The following RBFOX1 variants were observed in gnomAD, a reference collection of about 807,000 sequenced individuals.
The protein encoded by RBFOX1 is RNA binding fox-1 homolog 1.
RBFOX1 carries 8 observed loss-of-function variants against 57.7 expected under a neutral mutation model. That is an observed-to-expected ratio of 0.14 (90% CI 0.08 to 0.25). The LOEUF is 0.25. Ranked by LOEUF, RBFOX1 falls within the 10% of genes least tolerant of loss-of-function variation. RBFOX1 has a pLI of 1.00. For missense variants in RBFOX1, 611 were observed against 548.5 expected (o/e 1.11, Z -1.14); for synonymous variants, 326 against 222.4 (o/e 1.47, Z -4.15).
chr16:5,431,166 G>C (rs1483065066), intron 1 of RBFOX1, among the ~76,000 whole-genome samples: 1 of 152,220 alleles, frequency 6.6e-6, no homozygotes, highest in Non-Finnish European at 1.5e-5. Flanking sequence ...TGTTGTGTTG[G>C]TGTCCTGATG....
intron 3 of RBFOX1, among the ~76,000 whole-genome samples, chr16:7,003,317 G>C (rs2093002286): frequency 6.6e-6 from 1 of 152,028 alleles, no homozygotes; most frequent in Non-Finnish European, 1.5e-5. Flanking sequence ...AAAATTAGCT[G>C]GGCGTGATGG....
At chr16:6,988,056 C>G (rs898011006) in intron 3 of RBFOX1, among the ~76,000 whole-genome samples, 2 of 152,074 alleles carry the variant, frequency 1.3e-5, no homozygotes, top group Non-Finnish European at 2.9e-5. Context: ...ATTAGTTACC[C>G]CACATTCCAC....
chr16:6,380,888 T>A (rs2091743362), intron 2 of RBFOX1, among the ~76,000 whole-genome samples: 1 of 152,214 alleles, frequency 6.6e-6, no homozygotes, highest in South Asian at 2.1e-4. Context: ...ATTATCTTTC[T>A]GAGTTTTACC....
chr16:7,059,758 C>A lies in RBFOX1; in HGVS notation c.27+7660C>A, dbSNP rs550510033. On this transcript the variant is annotated intron_variant, in intron 4 of 15. Coordinates refer to ENST00000550418, the MANE Select transcript of RBFOX1 (RefSeq NM_018723.4). ...GTACAAATTTACCTTTCTCTTCACC[C>A]GTTGCAGTGTCTGCTTGCCAAGAGT... Among the ~76,000 whole-genome samples, 3 of 152,134 alleles carry A rather than the reference C, an allele frequency of 2.0e-5. No homozygotes were observed. The South Asian group carries it at 6.2e-4, about 31-fold the overall frequency.
intron 4 of RBFOX1, among the ~76,000 whole-genome samples, chr16:5,997,586 G>A (rs1402147826): frequency 2.0e-5 from 3 of 152,174 alleles, no homozygotes; most frequent in Non-Finnish European, 4.4e-5. Context: ...TCTCTAGAGC[G>A]ATTAGGCACT....
intron 4 of RBFOX1, among the ~76,000 whole-genome samples, chr16:7,342,222 G>A (rs1447163588): frequency 6.6e-6 from 1 of 152,106 alleles, no homozygotes; most frequent in Non-Finnish European, 1.5e-5. Context: ...CTGTAAAATG[G>A]GAGTAATACC....
chr16:6,267,436 G>A lies in RBFOX1; in HGVS notation c.-126-49559G>A, dbSNP rs566882476. 5.3e-5 allele frequency among the ~76,000 whole-genome samples: 8 copies of A among 152,154 alleles called. No homozygotes were observed. In the South Asian group the frequency reaches 1.7e-3, roughly 32 times the overall value. ...ATAGGACTTGAGGGGTGTCCCCTTG[G>A]CTTCTTATCTCTTTCTCTGTAGCCT... On this transcript the variant is annotated intron_variant, in intron 1 of 15. Transcript: ENST00000550418.
At chr16:7,398,878 C>G (rs554046972) in intron 4 of RBFOX1, among the ~76,000 whole-genome samples, 1 of 152,170 alleles carries the variant, frequency 6.6e-6, no homozygotes, top group African/African-American at 2.4e-5. Flanking sequence ...AGAGGGTTCC[C>G]TATTCATTCA....
chr16:7,257,374 G>A (rs540783906), intron 4 of RBFOX1, among the ~76,000 whole-genome samples: 1 of 152,078 alleles, frequency 6.6e-6, no homozygotes, highest in Non-Finnish European at 1.5e-5. Context: ...CATGAGACTT[G>A]CTGCCCCTCT....
rs35754742 is a variant in RBFOX1 at position 6,829,481 on chromosome 16, T to TAAAA, written c.-16+174842_-16+174845dup. Among the ~76,000 whole-genome samples the TAAAA allele has an allele frequency of 6.4e-3, 867 of 135,556 alleles. 14 individuals carry two copies. Among genetic ancestry groups the TAAAA allele is most frequent in the African/African-American group, 0.021 (799 of 37,544 alleles). The allele number at this position is 135,556 out of a possible 152,430, so 88.9% of individuals were successfully genotyped here. A position where few individuals can be genotyped will look rare whatever the true frequency, so the allele number is the denominator to read the frequency against. The stretch of plus-strand genomic sequence containing the variant: ...ATGCAATGAAATACCACTCAACCAT[T>TAAAA]AAAAAAAAAAAAAACAAAAAAACGT... On this transcript the variant is annotated intron_variant, in intron 3 of 15. Coordinates refer to ENST00000550418, the MANE Select transcript of RBFOX1 (RefSeq NM_018723.4).
chr16:7,404,433 T>C (rs2098300236), intron 4 of RBFOX1, among the ~76,000 whole-genome samples: 1 of 152,208 alleles, frequency 6.6e-6, no homozygotes, highest in Admixed American at 6.5e-5. Flanking sequence ...CATCCAGTGA[T>C]AGCTTCTTAG....
chr16:6,638,957 G>T (rs974386149), intron 2 of RBFOX1, among the ~76,000 whole-genome samples: 5 of 152,160 alleles, frequency 3.3e-5, no homozygotes, highest in African/African-American at 1.2e-4. Context: ...AGAAAATATT[G>T]CTTCCCAAGA....
At chr16:6,535,199 G>C (rs1271921928) in intron 2 of RBFOX1, among the ~76,000 whole-genome samples, 1 of 152,140 alleles carries the variant, frequency 6.6e-6, no homozygotes, top group East Asian at 1.9e-4. Context: ...CTCATGTCCT[G>C]GGAAAATCCT....
intron 3 of RBFOX1, among the ~76,000 whole-genome samples, chr16:6,774,919 C>G (rs2079053060): frequency 6.6e-6 from 1 of 151,966 alleles, no homozygotes. Context: ...TGAGTAGTGG[C>G]TACCATATTG....
At chr16:6,785,246 A>T in intron 3 of RBFOX1, among the ~76,000 whole-genome samples, 1 of 152,196 alleles carries the variant, frequency 6.6e-6, no homozygotes, top group East Asian at 1.9e-4. Flanking sequence ...TTCGTAACTA[A>T]CATAAGAGTT....
chr16:5,999,899 AAAAAAAAAGAG>A (rs55904700), intron 4 of RBFOX1, among the ~76,000 whole-genome samples: 3,917 of 51,012 alleles, frequency 0.077, 885 homozygotes, highest in African/African-American at 0.12. Flanking sequence ...AAAAAAAAAA[AAAAAAAAAGAG>A]TGAAGAAGGG....
At chr16:7,338,172 G>T (rs2096828483) in intron 4 of RBFOX1, among the ~76,000 whole-genome samples, 1 of 152,116 alleles carries the variant, frequency 6.6e-6, no homozygotes, top group African/African-American at 2.4e-5. Flanking sequence ...TTAGCCCAGG[G>T]TGCATTAACT....
intron 3 of RBFOX1, among the ~76,000 whole-genome samples, chr16:6,817,218 T>C (rs76522091): frequency 0.036 from 5,521 of 152,160 alleles, 249 homozygotes; most frequent in South Asian, 0.14. Flanking sequence ...CAAGGAACTT[T>C]GTTGCAGAGA....
intron 4 of RBFOX1, among the ~76,000 whole-genome samples, chr16:5,936,803 C>T (rs1294771392): frequency 6.6e-6 from 1 of 152,154 alleles, no homozygotes; most frequent in Non-Finnish European, 1.5e-5. Context: ...AGAGACAGCA[C>T]ATGCCAAGAC....
Sources: gnomAD v4.1 joint callset for allele counts (sites outside exome capture counted in the v4.1 genomes callset) on GRCh38, gnomAD v4.1.1 for gene constraint, MANE v1.5 for transcripts, NCBI Gene and HGNC (gene_info 2026-07-23, HGNC 2026-07-21) for gene names.